AFF2: variants seen among roughly 807,000 people sequenced by gnomAD.
The protein encoded by AFF2 is AF4/FMR2 family member 2.
Under a neutral mutation model 76.9 loss-of-function variants are expected in AFF2, and 14 were observed. The observed-to-expected ratio is 0.18, with a 90% confidence interval of 0.12 to 0.28. The LOEUF (loss-of-function observed/expected upper bound fraction) is 0.28. Ranked by LOEUF, AFF2 falls within the 10% of genes least tolerant of loss-of-function variation. The pLI is 1.00. For missense variants in AFF2, 868 were observed against 1,001.1 expected (o/e 0.87, Z 1.79); for synonymous variants, 398 against 366.7 (o/e 1.09, Z -0.98).
At chrX:148,756,455 A>T (rs1557266903) in intron 3 of AFF2, among the ~76,000 whole-genome samples, 1 of 112,286 alleles carries the variant, frequency 8.9e-6, no homozygotes, top group East Asian at 2.8e-4. Flanking sequence ...ATGATTTTGG[A>T]ATGTGAACAT....
At chrX:148,598,200 T>C (rs2053593287) in intron 1 of AFF2, among the ~76,000 whole-genome samples, 1 of 111,606 alleles carries the variant, frequency 9.0e-6, no homozygotes. Flanking sequence ...ATTTCCAAAG[T>C]CTAAAAAAGA....
chrX:148,729,656 G>T (rs1557264517), intron 3 of AFF2, among the ~76,000 whole-genome samples: 1 of 111,629 alleles, frequency 9.0e-6, no homozygotes. Context: ...GACCAGTTAG[G>T]AGCTATAACA....
At chrX:148,641,596 G>A (rs6540394) in intron 1 of AFF2, among the ~76,000 whole-genome samples, 24,855 of 110,976 alleles carry the variant, frequency 0.22, 2,361 homozygotes, top group Middle Eastern at 0.36. Flanking sequence ...GCTCAGAAAT[G>A]CAGTCTGTAG....
At chrX:148,808,057 G>C (rs984828693) in intron 3 of AFF2, among the ~76,000 whole-genome samples, 21 of 112,379 alleles carry the variant, frequency 1.9e-4, no homozygotes, top group Admixed American at 1.7e-3. Flanking sequence ...AAAAATTTTA[G>C]ACAGGTGTCT....
intron 7 of AFF2, among the ~76,000 whole-genome samples, chrX:148,864,478 AT>A (rs200811445): frequency 4.5e-5 from 5 of 111,642 alleles, no homozygotes; most frequent in African/African-American, 1.3e-4. Flanking sequence ...ATATAAACAG[AT>A]TTTTTTCCCA....
intron 7 of AFF2, among the ~76,000 whole-genome samples, chrX:148,855,709 T>C (rs2070779441): frequency 8.9e-6 from 1 of 111,804 alleles, no homozygotes; most frequent in African/African-American, 3.2e-5. Context: ...GTGGACAGGC[T>C]CTGTGCTGGA....
At chrX:148,542,206 A>T (rs781956577) in intron 1 of AFF2, among the ~76,000 whole-genome samples, 2 of 109,779 alleles carry the variant, frequency 1.8e-5, no homozygotes, top group Non-Finnish European at 3.8e-5. Context: ...GGGTGGTTTC[A>T]GTTTACTTAT....
intron 3 of AFF2, among the ~76,000 whole-genome samples, chrX:148,729,640 G>A (rs992732088): frequency 4.1e-4 from 46 of 111,703 alleles, no homozygotes; most frequent in Non-Finnish European, 7.7e-4. Context: ...TAGAGACAGG[G>A]AAACAGACCA....
At chrX:148,955,277 C>T (rs1012763386) in intron 10 of AFF2, among the ~76,000 whole-genome samples, 1 of 112,626 alleles carries the variant, frequency 8.9e-6, no homozygotes, top group Admixed American at 9.4e-5. Flanking sequence ...ACAGGTTTCC[C>T]TCATTGGCAT....
intron 4 of AFF2, among the ~76,000 whole-genome samples, chrX:148,816,728 G>A (rs1224400016): frequency 9.1e-6 from 1 of 110,491 alleles, no homozygotes; most frequent in Non-Finnish European, 1.9e-5. Context: ...GTGGATGAAT[G>A]AGATGCTGCT....
chrX:148,540,407 C>CT (rs113746311), intron 1 of AFF2, among the ~76,000 whole-genome samples: 3,213 of 94,042 alleles, frequency 0.034, 131 homozygotes, highest in African/African-American at 0.1. Flanking sequence ...AAAAAGTGAC[C>CT]TTTTTTTTTT....
chrX:148,687,655 C>T (rs1225397910), intron 3 of AFF2, among the ~76,000 whole-genome samples: 1 of 110,035 alleles, frequency 9.1e-6, no homozygotes, highest in African/African-American at 3.3e-5. Context: ...TCTTTAGCTT[C>T]CTAGTCTCTT....
At chrX:148,608,529 T>A (rs1359015287) in intron 1 of AFF2, among the ~76,000 whole-genome samples, 1 of 109,478 alleles carries the variant, frequency 9.1e-6, no homozygotes, top group Non-Finnish European at 1.9e-5. Context: ...ATTAATTAAT[T>A]TTTAGGGACA....
chrX:148,652,111 C>T lies in AFF2; in HGVS notation c.160C>T (p.Pro54Ser). The change falls in exon 2 of 21, where the codon CCA (proline) becomes TCA (serine). Residue 54 changes from proline to serine, a missense_variant. Transcript: ENST00000370460. ...TTCAGGCTTTGATCTTTTTGGGGAGCCATACAAGGTAGCTGAATATGTATG... is the reference window on the plus strand; with the variant it reads ...TTCAGGCTTTGATCTTTTTGGGGAGTCATACAAGGTAGCTGAATATGTATG... ...FSSGFDLFGE[P>S]YKVAEYTNKG... The T allele has an allele frequency of 8.3e-7, 1 of 1,199,844 alleles. No homozygotes were observed. The highest frequency in any genetic ancestry group is 1.1e-6 in the Non-Finnish European group (1 of 887,370).
intron 1 of AFF2, among the ~76,000 whole-genome samples, chrX:148,609,489 C>T (rs999579834): frequency 1.8e-5 from 2 of 111,700 alleles, no homozygotes; most frequent in Non-Finnish European, 3.8e-5. Context: ...TGTGGTCTGT[C>T]TGTGTGTGTA....
rs1230558403 is a variant in AFF2 at position 148,994,629 on chromosome X, T to C, written c.*3297T>C. On this transcript the variant is annotated 3_prime_UTR_variant, in exon 21 of 21. Transcript: ENST00000370460. ...AAAATTAGAAACCATTGGCTAAAAA[T>C]GTGTTTTGTTGAGTTTCCAAATGGA... The C allele has an allele frequency of 8.9e-6, 1 of 112,432 alleles. No individual in the cohort carries two copies. The highest frequency in any genetic ancestry group is 1.9e-5 in the Non-Finnish European group (1 of 53,329). 9.3% of individuals were successfully genotyped at this position (112,432 alleles called of 1,213,427 possible). A position where few individuals can be genotyped will look rare whatever the true frequency, so the allele number is the denominator to read the frequency against.
chrX:148,557,088 A>G (rs2053060530), intron 1 of AFF2, among the ~76,000 whole-genome samples: 1 of 112,031 alleles, frequency 8.9e-6, no homozygotes, highest in South Asian at 3.7e-4. Context: ...CCTAATTTTC[A>G]TGCATGGTTC....
intron 2 of AFF2, among the ~76,000 whole-genome samples, chrX:148,656,661 G>A (rs1000697767): frequency 1.9e-5 from 2 of 105,670 alleles, no homozygotes; most frequent in African/African-American, 7.0e-5. Flanking sequence ...CACTACGCCC[G>A]GCTAATTTTT....
chrX:148,970,745 G>A (rs1557289417), intron 15 of AFF2, among the ~76,000 whole-genome samples: 1 of 111,464 alleles, frequency 9.0e-6, no homozygotes, highest in Non-Finnish European at 1.9e-5. Context: ...GAAAGTGATG[G>A]GATTATTGTC....
Sources: gnomAD v4.1 joint callset for allele counts (sites outside exome capture counted in the v4.1 genomes callset) on GRCh38, gnomAD v4.1.1 for gene constraint, MANE v1.5 for transcripts, NCBI Gene and HGNC (gene_info 2026-07-23, HGNC 2026-07-21) for gene names.